The following CFAP44 variants were observed in gnomAD, a reference collection of about 807,000 sequenced individuals.
CFAP44 encodes cilia- and flagella-associated protein 44.
Under a neutral mutation model 216.2 loss-of-function variants are expected in CFAP44, and 134 were observed. The observed-to-expected ratio is 0.62, with a 90% confidence interval of 0.54 to 0.72. The LOEUF is 0.72. Ranked by LOEUF, CFAP44 falls within the 30% of genes least tolerant of loss-of-function variation. The probability of loss-of-function intolerance (pLI) is 0.00; values close to 1 mark genes in which losing one functional copy is unlikely to be tolerated. For missense variants in CFAP44, 2,035 were observed against 2,182.1 expected, an observed-to-expected ratio of 0.93 and a Z score of 1.34; for synonymous variants, 700 against 727.6, an observed-to-expected ratio of 0.96 and a Z score of 0.61.
At chr3:113,373,583 G>A in intron 17 of CFAP44, 27 bp from the exon 18 acceptor site, 2 of 1,507,958 alleles carry the variant, frequency 1.3e-6, no homozygotes, top group Non-Finnish European at 1.8e-6. Context: ...TAACATAGAA[G>A]GTGGTACTTG....
intron 28 of CFAP44, among the ~76,000 whole-genome samples, chr3:113,308,578 T>A (rs541282287): frequency 6.6e-6 from 1 of 152,034 alleles, no homozygotes; most frequent in African/African-American, 2.4e-5. Context: ...AGACAAAAAT[T>A]TTTTTTTCTT....
chr3:113,343,337 A>G (rs1268991160), intron 23 of CFAP44, among the ~76,000 whole-genome samples: 1 of 152,164 alleles, frequency 6.6e-6, no homozygotes, highest in African/African-American at 2.4e-5. Flanking sequence ...TGCTGGGATT[A>G]CAAGTGTGAG....
chr3:113,406,015 A>C (rs1312200536), intron 8 of CFAP44, among the ~76,000 whole-genome samples: 1 of 152,246 alleles, frequency 6.6e-6, no homozygotes, highest in African/African-American at 2.4e-5. Flanking sequence ...CTTACAACTG[A>C]GATTATCACA....
chr3:113,377,754 G>A (rs575318416), intron 17 of CFAP44, among the ~76,000 whole-genome samples: 30 of 152,206 alleles, frequency 2.0e-4, no homozygotes, highest in Admixed American at 1.8e-3. Context: ...CCGGGTTCAA[G>A]CAATTCCCCT....
At chr3:113,310,705 G>A (rs2107796676) in intron 28 of CFAP44, among the ~76,000 whole-genome samples, 1 of 151,978 alleles carries the variant, frequency 6.6e-6, no homozygotes, top group South Asian at 2.1e-4. Flanking sequence ...GGAGGTGATT[G>A]GATCATCAGG....
intron 5 of CFAP44, among the ~76,000 whole-genome samples, chr3:113,418,388 G>C (rs1468745982): frequency 6.6e-6 from 1 of 152,108 alleles, no homozygotes; most frequent in Non-Finnish European, 1.5e-5. Context: ...CGCCAAGCCA[G>C]GAGTTTTATT....
chr3:113,373,556 C>A lies in CFAP44; in HGVS notation c.2299G>T (p.Gly767Cys). Residue 767 changes from glycine to cysteine, a missense_variant and splice_region_variant, in exon 18 of 35, where the codon GGT becomes TGT. Physicochemically the swap from Gly to Cys is radical, Grantham distance 159 (BLOSUM62 -3). Coordinates refer to ENST00000393845, the MANE Select transcript of CFAP44 (RefSeq NM_001164496.2). ...TATAGAAAACCAGAATCATAGCCAC[C>A]CTAGAAAAGAGATAAGTAACATAGA... ...SEPGKFWVSL[G>C]GYDSGFLYHC... The A allele has an allele frequency of 1.3e-6, 2 of 1,574,008 alleles. No individual in the cohort carries two copies. Among genetic ancestry groups the A allele is most frequent in the Middle Eastern group, 1.7e-4 (1 of 5,916 alleles).
rs146032295 is a variant in CFAP44, at chr3:113,352,546, C to A, written c.3065+6199G>T. Among the ~76,000 whole-genome samples the A allele has an allele frequency of 6.7e-3, 1,018 of 152,262 alleles. 10 individuals are homozygous for A. The highest frequency in any genetic ancestry group is 0.024 in the African/African-American group (983 of 41,536). ...TTTGATCACATAAAAATTAAAAATT[C>A]TGCACAGTTAGAAAAATATGAACAA... On this transcript the variant is annotated intron_variant, in intron 22 of 34. Transcript: ENST00000393845.
chr3:113,344,805 TTATTA>T, intron 22 of CFAP44, 93 bp from the exon 23 acceptor site: 1 of 1,128,104 alleles, frequency 8.9e-7, no homozygotes, highest in South Asian at 1.9e-5. Context: ...TACACTATTC[TTATTA>T]TATCATTATA....
intron 5 of CFAP44, 114 bp from the exon 6 acceptor site, chr3:113,416,741 T>A: frequency 1.4e-6 from 1 of 708,256 alleles, no homozygotes; most frequent in Non-Finnish European, 2.2e-6. Context: ...TTTACTCTAA[T>A]AGAAAACTCA....
At position 113,327,792 on chromosome 3, in the gene CFAP44, C is replaced by A. The variant is rs201122506; in HGVS notation, c.4144G>T (p.Ala1382Ser). The change falls in exon 27 of 35, where the codon GCA becomes TCA. Residue 1382 changes from alanine (A) to serine (S), a missense_variant. By Grantham distance (99) the Ala-to-Ser change is moderately conservative. Coordinates refer to ENST00000393845, the MANE Select transcript of CFAP44 (RefSeq NM_001164496.2). The stretch of plus-strand genomic sequence containing the variant: ...TGATGTCTAAGGAGACGGAGTTCTG[C>A]ATCGAAAGTGACAACCAGTTCTTTG... Reference protein sequence around the residue: ...RIKELVVTFDAELRLLRHQKL... With the variant: ...RIKELVVTFDSELRLLRHQKL... 2.6e-6 allele frequency: 4 copies of A among 1,536,728 alleles called. No individual in the cohort carries two copies. Among genetic ancestry groups the A allele is most frequent in the African/African-American group, 2.7e-5 (2 of 73,028 alleles).
At chr3:113,385,327 G>A (rs1933618701) in intron 15 of CFAP44, among the ~76,000 whole-genome samples, 1 of 152,176 alleles carries the variant, frequency 6.6e-6, no homozygotes, top group Non-Finnish European at 1.5e-5. Flanking sequence ...TAGAGAGAAA[G>A]ACAACCATAT....
intron 32 of CFAP44, among the ~76,000 whole-genome samples, chr3:113,298,892 T>C (rs145250809): frequency 1.9e-4 from 29 of 152,292 alleles, no homozygotes; most frequent in South Asian, 4.2e-4. Context: ...ATGAAAAGTG[T>C]TCTGGAGATG....
intron 10 of CFAP44, 135 bp from the exon 11 acceptor site, chr3:113,401,422 A>G (rs900518828): frequency 3.4e-5 from 41 of 1,194,326 alleles, no homozygotes; most frequent in Admixed American, 1.2e-4. Flanking sequence ...AGTATAATTG[A>G]AATTTAATAA....
At chr3:113,390,090 A>G (rs1305166247) in intron 15 of CFAP44, among the ~76,000 whole-genome samples, 2 of 152,220 alleles carry the variant, frequency 1.3e-5, no homozygotes, top group Admixed American at 6.5e-5. Flanking sequence ...ATTGATGCAA[A>G]ACCTCAACAA....
chr3:113,313,732 C>T (rs576366927), intron 28 of CFAP44, among the ~76,000 whole-genome samples: 15 of 152,242 alleles, frequency 9.9e-5, no homozygotes, highest in African/African-American at 2.9e-4. Context: ...TCAGGGGTTT[C>T]CACTTTTGCA....
intron 22 of CFAP44, among the ~76,000 whole-genome samples, chr3:113,348,065 T>G (rs1012399599): frequency 6.6e-6 from 1 of 152,168 alleles, no homozygotes; most frequent in African/African-American, 2.4e-5. Flanking sequence ...GCTGCATTGG[T>G]GAGCACAACT....
intron 21 of CFAP44, chr3:113,362,782 C>A: frequency 1.6e-6 from 1 of 617,072 alleles, no homozygotes; most frequent in East Asian, 7.2e-5. Flanking sequence ...CGAAGCCAGC[C>A]ACCGGACGCT....
chr3:113,381,073 A>G lies in CFAP44; in HGVS notation c.1891-13T>C. 1 of 1,539,944 alleles carries G rather than the reference A, an allele frequency of 6.5e-7. No homozygotes were observed. The highest frequency in any genetic ancestry group is 1.3e-5 in the South Asian group (1 of 75,960). On this transcript the variant is annotated splice_polypyrimidine_tract_variant and intron_variant, in intron 15 of 34. Coordinates refer to ENST00000393845, the MANE Select transcript of CFAP44 (RefSeq NM_001164496.2). ...AAGTACTTTCAGGCTAAAAAAGAAA[A>G]ATTGAACATATTTACATTTAGGCAA...
Sources: allele counts gnomAD v4.1 joint callset (sites outside exome capture counted in the v4.1 genomes callset), GRCh38; gene constraint gnomAD v4.1.1; transcripts MANE v1.5; gene names NCBI Gene and HGNC (gene_info 2026-07-23, HGNC 2026-07-21).